The following TGFBRAP1 variants were observed in gnomAD, a reference collection of about 807,000 sequenced individuals.
TGFBRAP1 encodes transforming growth factor beta receptor associated protein 1.
Under a neutral mutation model 83.2 loss-of-function variants are expected in TGFBRAP1, and 20 were observed. The ratio of observed to expected loss-of-function variants is 0.24; its 90% CI spans 0.17 to 0.35. The LOEUF (loss-of-function observed/expected upper bound fraction) is 0.35, where lower values mean the gene tolerates loss of function less well. Ranked by LOEUF, TGFBRAP1 falls within the 10% of genes least tolerant of loss-of-function variation. The pLI, the probability that TGFBRAP1 is intolerant of heterozygous loss-of-function variation, is 1.00. For missense variants in TGFBRAP1, 950 were observed against 1,099.4 expected, an observed-to-expected ratio of 0.86 and a Z score of 1.92; for synonymous variants, 415 against 459.8, an observed-to-expected ratio of 0.90 and a Z score of 1.25.
At chr2:105,292,797 T>A (rs1677957240) in intron 4 of TGFBRAP1, among the ~76,000 whole-genome samples, 1 of 152,216 alleles carries the variant, frequency 6.6e-6, no homozygotes, top group Non-Finnish European at 1.5e-5. Flanking sequence ...ATTTGACTTT[T>A]GAGCTATGTA....
At position 105,273,657 on chromosome 2, in the gene TGFBRAP1, C is replaced by T; in HGVS notation, c.1699G>A (p.Asp567Asn). The T allele has an allele frequency of 6.2e-7, 1 of 1,614,146 alleles. No homozygotes were observed. The highest frequency in any genetic ancestry group is 8.5e-7 in the Non-Finnish European group (1 of 1,180,024). ...GVQVFTKRPL[D>N]EQQKNSFNPD... Reference sequence around the variant, plus strand: ...TTAAAACTGTTCTTCTGCTGTTCATCCAAAGGTCTCTTGGTGAAAACCTGA... The same window carrying T: ...TTAAAACTGTTCTTCTGCTGTTCATTCAAAGGTCTCTTGGTGAAAACCTGA... The change falls in exon 9 of 12, where the codon GAT becomes AAT. Residue 567 changes from aspartate to asparagine, a missense_variant. Transcript: ENST00000393359.
At chr2:105,250,994 C>T in the TGFBRAP1 span, among the ~76,000 whole-genome samples, 1 of 152,204 alleles carries the variant, frequency 6.6e-6, no homozygotes, top group Non-Finnish European at 1.5e-5. Flanking sequence ...GGCGTGATCT[C>T]GGCTCGCTAC....
chr2:105,305,107 C>T (rs1474547747), intron 2 of TGFBRAP1, among the ~76,000 whole-genome samples: 4 of 152,130 alleles, frequency 2.6e-5, no homozygotes, highest in East Asian at 1.9e-4. Flanking sequence ...GTACCACTGT[C>T]GTGTGGATAA....
intron 1 of TGFBRAP1, among the ~76,000 whole-genome samples, chr2:105,321,749 C>T (rs1346320684): frequency 1.3e-5 from 2 of 152,208 alleles, no homozygotes; most frequent in Non-Finnish European, 2.9e-5. Context: ...GACAATCTAA[C>T]TGTTGGAACA....
chr2:105,322,772 C>A (rs180925942), intron 1 of TGFBRAP1, among the ~76,000 whole-genome samples: 1 of 152,148 alleles, frequency 6.6e-6, no homozygotes, highest in Non-Finnish European at 1.5e-5. Context: ...CATATGATGA[C>A]AAAATTGCCC....
At chr2:105,294,307 G>GGT (rs3060066) in intron 4 of TGFBRAP1, among the ~76,000 whole-genome samples, 13,956 of 147,860 alleles carry the variant, frequency 0.094, 779 homozygotes, top group African/African-American at 0.16. Context: ...TAGGAGTGAG[G>GGT]GTGTGTGTGT....
intron 1 of TGFBRAP1, among the ~76,000 whole-genome samples, chr2:105,317,423 GAGACT>G (rs1180255036): frequency 1.4e-5 from 2 of 147,552 alleles, no homozygotes; most frequent in African/African-American, 5.0e-5. Flanking sequence ...GCGACAGAGT[GAGACT>G]CATCTCAAAA....
At position 105,310,942 on chromosome 2, in the gene TGFBRAP1, A is replaced by G. The variant is rs75579496; in HGVS notation, c.-17-2624T>C. On this transcript the variant is annotated intron_variant, in intron 1 of 11. Coordinates refer to ENST00000393359, the MANE Select transcript of TGFBRAP1 (RefSeq NM_004257.6). Reference sequence around the variant, plus strand: ...CTCCCTTTGCGGAAGGAATAGAGAAACAAACTCTGGGCACCTACAATCAAA... The same window carrying G: ...CTCCCTTTGCGGAAGGAATAGAGAAGCAAACTCTGGGCACCTACAATCAAA... Among the ~76,000 whole-genome samples the G allele has an allele frequency of 2.8e-4, 43 of 152,334 alleles. No individual in the cohort carries two copies. In the East Asian group the frequency reaches 7.1e-3, roughly 25 times the overall value.
chr2:105,267,126 G>C lies in TGFBRAP1; in HGVS notation c.*257C>G. On this transcript the variant is annotated 3_prime_UTR_variant, in exon 12 of 12. Coordinates refer to ENST00000393359, the MANE Select transcript of TGFBRAP1 (RefSeq NM_004257.6). ...CTTGGATTACTATGTACCTGGACAG[G>C]TGAACTCTTGTATGTTTCTGTTTTG... The C allele has an allele frequency of 2.1e-6, 1 of 479,496 alleles. No individual in the cohort carries two copies. Among genetic ancestry groups the C allele is most frequent in the Non-Finnish European group, 3.7e-6 (1 of 273,630 alleles). 29.7% of individuals were successfully genotyped at this position (479,496 alleles called of 1,614,324 possible).
chr2:105,283,364 G>A (rs1175062985), intron 5 of TGFBRAP1, among the ~76,000 whole-genome samples: 7 of 152,190 alleles, frequency 4.6e-5, no homozygotes, highest in Admixed American at 4.6e-4. Flanking sequence ...TAGAGCCACC[G>A]TGGATGTAAG....
At chr2:105,279,201 T>C (rs918602266) in intron 6 of TGFBRAP1, among the ~76,000 whole-genome samples, 8 of 152,270 alleles carry the variant, frequency 5.3e-5, no homozygotes, top group Middle Eastern at 3.4e-3. Context: ...CCAGGCACTA[T>C]GCATTAACAG....
chr2:105,265,105 C>T lies in TGFBRAP1; in HGVS notation c.*2278G>A, dbSNP rs992088470. On this transcript the variant is annotated 3_prime_UTR_variant, in exon 12 of 12. Transcript: ENST00000393359. ...TTGGTAGAGATGGAAAACTGCTCAA[C>T]TTTAATTCCCATTATTCTAAAGGAT... The T allele has an allele frequency of 5.3e-5, 8 of 152,226 alleles. No individual in the cohort carries two copies. In the East Asian group the frequency reaches 1.5e-3, roughly 29 times the overall value. 9.4% of individuals were successfully genotyped at this position (152,226 alleles called of 1,614,324 possible). A position where few individuals can be genotyped will look rare whatever the true frequency, so the allele number is the denominator to read the frequency against.
intron 3 of TGFBRAP1, among the ~76,000 whole-genome samples, chr2:105,296,783 T>A (rs1289676894): frequency 2.0e-5 from 3 of 146,362 alleles, no homozygotes; most frequent in African/African-American, 5.1e-5. Flanking sequence ...TTTTTTTTTT[T>A]ACTGAGAAAT....
chr2:105,251,700 AAG>A, the TGFBRAP1 span, among the ~76,000 whole-genome samples: 3 of 152,136 alleles, frequency 2.0e-5, no homozygotes, highest in Non-Finnish European at 4.4e-5. Flanking sequence ...GTGGAATAGA[AAG>A]GGGGGAAAGG....
downstream of TGFBRAP1, among the ~76,000 whole-genome samples, chr2:105,262,084 C>CT (rs1676802019): frequency 6.6e-6 from 1 of 152,156 alleles, no homozygotes; most frequent in African/African-American, 2.4e-5. Context: ...CCTGCCCTGA[C>CT]TTCCATTGCT....
intron 2 of TGFBRAP1, among the ~76,000 whole-genome samples, chr2:105,306,061 GT>G (rs67017916): frequency 1.3e-5 from 1 of 74,898 alleles, no homozygotes; most frequent in African/African-American, 4.7e-5. Flanking sequence ...TTTGTTTTTT[GT>G]TTTTTGTTTT....
chr2:105,315,262 T>A (rs1281542907), intron 1 of TGFBRAP1, among the ~76,000 whole-genome samples: 2 of 152,204 alleles, frequency 1.3e-5, no homozygotes, highest in African/African-American at 2.4e-5. Context: ...TTAGAAGGCT[T>A]TTCTGCAGAA....
chr2:105,322,762 C>T (rs1679104949), intron 1 of TGFBRAP1, among the ~76,000 whole-genome samples: 1 of 152,174 alleles, frequency 6.6e-6, no homozygotes, highest in Non-Finnish European at 1.5e-5. Context: ...CTATGATGTT[C>T]ATATGATGAC....
downstream of TGFBRAP1, among the ~76,000 whole-genome samples, chr2:105,263,810 C>T (rs535337549): frequency 2.6e-5 from 4 of 151,592 alleles, no homozygotes; most frequent in East Asian, 3.9e-4. Context: ...CACTTGGACC[C>T]GGGAGGTGGA....
Sources: gnomAD v4.1 joint callset for allele counts (sites outside exome capture counted in the v4.1 genomes callset) on GRCh38, gnomAD v4.1.1 for gene constraint, MANE v1.5 for transcripts, NCBI Gene and HGNC (gene_info 2026-07-23, HGNC 2026-07-21) for gene names.